The following MLLT3 variants were observed in gnomAD, a reference collection of about 807,000 sequenced individuals.
MLLT3 encodes the protein MLLT3 super elongation complex subunit, also known as protein AF-9.
A neutral mutation model predicts 53.2 loss-of-function variants in MLLT3; 4 were observed. The ratio of observed to expected loss-of-function variants is 0.08; its 90% CI spans 0.04 to 0.17. MLLT3 has a LOEUF of 0.17. Among genes scored for constraint, MLLT3 ranks in the 10% least tolerant of loss-of-function variants. The probability of loss-of-function intolerance (pLI) is 1.00; values close to 1 mark genes in which losing one functional copy is unlikely to be tolerated. For synonymous variants in MLLT3, 283 were observed against 230.6 expected (o/e 1.23, Z -2.06); for missense variants, 569 against 684.0 (o/e 0.83, Z 1.87).
At chr9:20,414,857 T>C (rs1822833215) in intron 4 of MLLT3, among the ~76,000 whole-genome samples, 1 of 152,060 alleles carries the variant, frequency 6.6e-6, no homozygotes, top group African/African-American at 2.4e-5. Context: ...AATTCAAAAA[T>C]TCATAAAGAA....
chr9:20,484,170 T>C (rs1824745226), intron 2 of MLLT3, among the ~76,000 whole-genome samples: 1 of 152,166 alleles, frequency 6.6e-6, no homozygotes, highest in Non-Finnish European at 1.5e-5. Flanking sequence ...TGGCTAAAGA[T>C]AATGTGCACA....
At chr9:20,451,381 T>G (rs986022379) in intron 3 of MLLT3, among the ~76,000 whole-genome samples, 9 of 152,318 alleles carry the variant, frequency 5.9e-5, no homozygotes, top group South Asian at 2.1e-4. Flanking sequence ...TACACATTAA[T>G]TACCAGCATA....
chr9:20,453,747 A>G (rs538342536), intron 3 of MLLT3, among the ~76,000 whole-genome samples: 4 of 152,276 alleles, frequency 2.6e-5, no homozygotes, highest in African/African-American at 9.6e-5. Context: ...AACCATGCAC[A>G]TATATTTCTG....
chr9:20,456,793 C>T lies in MLLT3; in HGVS notation c.194-7G>A. ...TAAGGTGGATCTTTGCACACTGCAACATTAAAAAAGAAAATAGGTAAGATG... is the reference window on the plus strand; with the variant it reads ...TAAGGTGGATCTTTGCACACTGCAATATTAAAAAAGAAAATAGGTAAGATG... On this transcript the variant is annotated splice_polypyrimidine_tract_variant and splice_region_variant and intron_variant, in intron 2 of 10. Coordinates refer to ENST00000380338, the MANE Select transcript of MLLT3 (RefSeq NM_004529.4). 6.4e-7 allele frequency: 1 copy of T among 1,561,500 alleles called. No homozygotes were observed.
chr9:20,527,990 T>A (rs1336675806), intron 2 of MLLT3, among the ~76,000 whole-genome samples: 1 of 152,262 alleles, frequency 6.6e-6, no homozygotes, highest in Non-Finnish European at 1.5e-5. Flanking sequence ...TGAGAGATTA[T>A]CTATTCCCAG....
In MLLT3 at chr9:20,346,407, A is replaced by C. The variant is rs769802890; in HGVS notation, c.*36T>G. The C allele has an allele frequency of 1.1e-4, 158 of 1,479,022 alleles. No homozygotes were observed. Among genetic ancestry groups the C allele is most frequent in the African/African-American group, 8.2e-4 (57 of 69,876 alleles). The allele number at this position is 1,479,022 out of a possible 1,614,324, so 91.6% of individuals were successfully genotyped here. ...AAAAAAAAAAAACCAAAAAAAAAAA[A>C]CACAATAGTTCTTGATGCATCCAGT... On this transcript the variant is annotated 3_prime_UTR_variant, in exon 11 of 11. Transcript: ENST00000380338.
At chr9:20,577,510 C>A (rs574396593) in intron 2 of MLLT3, among the ~76,000 whole-genome samples, 1 of 152,156 alleles carries the variant, frequency 6.6e-6, no homozygotes, top group African/African-American at 2.4e-5. Flanking sequence ...GTGAAATTCT[C>A]CCAGCAAGAC....
intron 2 of MLLT3, among the ~76,000 whole-genome samples, chr9:20,532,324 T>C (rs929982558): frequency 3.3e-5 from 5 of 151,546 alleles, no homozygotes; most frequent in African/African-American, 7.3e-5. Flanking sequence ...AAAAAATATA[T>C]ATATATAAAT....
intron 2 of MLLT3, among the ~76,000 whole-genome samples, chr9:20,484,044 A>T (rs1291091661): frequency 6.6e-6 from 1 of 152,092 alleles, no homozygotes; most frequent in African/African-American, 2.4e-5. Flanking sequence ...AGATTAGTAG[A>T]TATATTCCAC....
Position 20,596,409 on chromosome 9 carries a change from G to A in MLLT3, c.193+24245C>T, listed in dbSNP as rs916143922. 3.3e-5 allele frequency among the ~76,000 whole-genome samples: 5 copies of A among 152,156 alleles called. No homozygotes were observed. The East Asian group carries it at 9.6e-4, about 29-fold the overall frequency. On this transcript the variant is annotated intron_variant, in intron 2 of 10. Coordinates refer to ENST00000380338, the MANE Select transcript of MLLT3 (RefSeq NM_004529.4). The stretch of plus-strand genomic sequence containing the variant: ...TTTTCATTTAAAATAATAAGCTCTG[G>A]CCAGGCATGGTGGCACACGCCTATA...
In MLLT3 at chr9:20,622,458, A is replaced by G; in HGVS notation, c.-202T>C. 1 of 513,818 alleles carries G rather than the reference A, an allele frequency of 1.9e-6. No homozygotes were observed. The highest frequency in any genetic ancestry group is 3.5e-6 in the Non-Finnish European group (1 of 289,706). The allele number at this position is 513,818 out of a possible 1,614,324, so 31.8% of individuals were successfully genotyped here. The stretch of plus-strand genomic sequence containing the variant: ...TATTAAACTCAGCCCCAAAAGCAAA[A>G]GCAGCAGCAGCAGCAGCAGCTCCAG... On this transcript the variant is annotated 5_prime_UTR_variant, in exon 1 of 11. Transcript: ENST00000380338.
intron 2 of MLLT3, among the ~76,000 whole-genome samples, chr9:20,530,010 G>A (rs906273684): frequency 2.6e-5 from 4 of 152,090 alleles, no homozygotes; most frequent in Non-Finnish European, 4.4e-5. Flanking sequence ...AAAGAGAAGG[G>A]AAACTCAAAA....
intron 2 of MLLT3, among the ~76,000 whole-genome samples, chr9:20,521,784 G>A (rs1022306737): frequency 6.6e-6 from 1 of 152,026 alleles, no homozygotes; most frequent in East Asian, 1.9e-4. Context: ...CTTATTGTTC[G>A]TGATGCCATA....
In MLLT3 at chr9:20,452,017, C is replaced by A. The variant is rs553914772; in HGVS notation, c.277-3751G>T. 1.4e-3 allele frequency among the ~76,000 whole-genome samples: 210 copies of A among 152,202 alleles called. 1 individual carries two copies. The highest frequency in any genetic ancestry group is 6.8e-3 in the Middle Eastern group (2 of 292). On this transcript the variant is annotated intron_variant, in intron 3 of 10. Coordinates refer to ENST00000380338, the MANE Select transcript of MLLT3 (RefSeq NM_004529.4). ...GACCCTGACAGCTCAAATAAATGAGCAGAACTGAAGACGAGCTCATTAGAG... is the reference window on the plus strand; with the variant it reads ...GACCCTGACAGCTCAAATAAATGAGAAGAACTGAAGACGAGCTCATTAGAG...
intron 2 of MLLT3, among the ~76,000 whole-genome samples, chr9:20,476,828 AAT>A (rs756348752): frequency 7.2e-5 from 11 of 152,172 alleles, no homozygotes; most frequent in Non-Finnish European, 1.5e-4. Context: ...GAATGATTAC[AAT>A]CTAGAAAATT....
At chr9:20,355,095 T>TCAAAA (rs1293545595) in intron 8 of MLLT3, among the ~76,000 whole-genome samples, 1 of 64,164 alleles carries the variant, frequency 1.6e-5, no homozygotes, top group African/African-American at 5.5e-5. Flanking sequence ...AAAGTAGAAC[T>TCAAAA]AAAAAAAAAA....
At position 20,443,401 on chromosome 9, in the gene MLLT3, A is replaced by C. The variant is rs79803369; in HGVS notation, c.420+4722T>G. 4.4e-3 allele frequency among the ~76,000 whole-genome samples: 676 copies of C among 152,336 alleles called. 2 individuals are homozygous for C. Among genetic ancestry groups the C allele is most frequent in the Non-Finnish European group, 6.9e-3 (472 of 68,030 alleles). On this transcript the variant is annotated intron_variant, in intron 4 of 10. Transcript: ENST00000380338. ...GCCTTGAGAAGCCTTTAATCCGCTA[A>C]AAATTCAGAATTAAGAACAATGTTA...
chr9:20,556,651 C>A (rs959957983), intron 2 of MLLT3, among the ~76,000 whole-genome samples: 2 of 152,046 alleles, frequency 1.3e-5, no homozygotes, highest in African/African-American at 2.4e-5. Flanking sequence ...CCACTGCACT[C>A]CAGCCTGGGC....
At chr9:20,552,616 C>T (rs1031505311) in intron 2 of MLLT3, among the ~76,000 whole-genome samples, 9 of 151,992 alleles carry the variant, frequency 5.9e-5, no homozygotes, top group African/African-American at 9.7e-5. Flanking sequence ...ATAATAAAGA[C>T]GAGTTTTGAG....
Sources: gnomAD v4.1 joint callset for allele counts (sites outside exome capture counted in the v4.1 genomes callset) on GRCh38, gnomAD v4.1.1 for gene constraint, MANE v1.5 for transcripts, NCBI Gene and HGNC (gene_info 2026-07-23, HGNC 2026-07-21) for gene names.